Variants in EXOC4 observed in about 807,000 individuals in gnomAD.
EXOC4 encodes SEC8-like 1.
In EXOC4, 71 loss-of-function variants were observed where a neutral mutation model predicts 107.2. That is an observed-to-expected ratio of 0.66 (90% CI 0.55 to 0.81). The LOEUF (loss-of-function observed/expected upper bound fraction) is 0.81. Ranked by LOEUF, EXOC4 falls within the 30% of genes least tolerant of loss-of-function variation. The pLI, the probability that EXOC4 is intolerant of heterozygous loss-of-function variation, is 0.00. For synonymous variants in EXOC4, 456 were observed against 441.2 expected (o/e 1.03, Z -0.42); for missense variants, 1,108 against 1,189.6 (o/e 0.93, Z 1.01).
rs183210263 is a variant in EXOC4 at position 134,053,692 on chromosome 7, T to A, written c.2688-10599T>A. On this transcript the variant is annotated intron_variant, in intron 17 of 17. Transcript: ENST00000253861. ...CTTGATGAGGATGGAGCAAGTAACA[T>A]TTAAAATAAGGTGGTCAGGGAAAAC... is the stretch of plus-strand genomic sequence containing the variant. Among the ~76,000 whole-genome samples, 58 of 151,824 alleles carry A rather than the reference T, an allele frequency of 3.8e-4. No individual in the cohort carries two copies. The East Asian group carries it at 0.01, about 27-fold the overall frequency.
In EXOC4 at chr7:133,994,931, C is replaced by T. The variant is rs183202028; in HGVS notation, c.2207-2561C>T. On this transcript the variant is annotated intron_variant, in intron 14 of 17. Coordinates refer to ENST00000253861, the MANE Select transcript of EXOC4 (RefSeq NM_021807.4). ...TTGCCATGCTTAGTATTTCTTTGCT[C>T]AGTATATTCTTTCTTGTTAAGAAAA... Among the ~76,000 whole-genome samples the T allele has an allele frequency of 8.0e-4, 122 of 152,230 alleles. 1 individual carries two copies. Among genetic ancestry groups the T allele is most frequent in the South Asian group, 1.5e-3 (7 of 4,814 alleles).
At chr7:134,074,114 C>T in the EXOC4 span, among the ~76,000 whole-genome samples, 5 of 152,200 alleles carry the variant, frequency 3.3e-5, no homozygotes, top group African/African-American at 1.2e-4. Context: ...GTGCATGCTA[C>T]AGCCCTTGTC....
intron 17 of EXOC4, among the ~76,000 whole-genome samples, chr7:134,033,160 T>C (rs1344285818): frequency 6.6e-6 from 1 of 152,022 alleles, no homozygotes; most frequent in African/African-American, 2.4e-5. Flanking sequence ...TTGGAGAAGT[T>C]CCATGTTCAT....
At chr7:133,469,617 C>T (rs1182088371) in intron 7 of EXOC4, among the ~76,000 whole-genome samples, 1 of 152,034 alleles carries the variant, frequency 6.6e-6, no homozygotes, top group Non-Finnish European at 1.5e-5. Context: ...AGTGAAGGAA[C>T]AAATACTCAT....
intron 10 of EXOC4, among the ~76,000 whole-genome samples, chr7:133,743,812 C>T (rs567182281): frequency 2.0e-5 from 3 of 152,086 alleles, no homozygotes; most frequent in Admixed American, 6.6e-5. Flanking sequence ...TGGGTGTTTT[C>T]GTGCCCTGAT....
At chr7:133,380,691 A>G (rs2150700101) in intron 7 of EXOC4, among the ~76,000 whole-genome samples, 1 of 152,336 alleles carries the variant, frequency 6.6e-6, no homozygotes, top group South Asian at 2.1e-4. Flanking sequence ...ACACTAAAAG[A>G]GGTATCAATT....
chr7:133,272,949 A>G (rs1375030725), intron 1 of EXOC4, among the ~76,000 whole-genome samples: 1 of 152,178 alleles, frequency 6.6e-6, no homozygotes, highest in African/African-American at 2.4e-5. Context: ...ACAATGTGAA[A>G]TGTTTGGCAT....
At chr7:133,307,234 C>A (rs1794772378) in intron 4 of EXOC4, among the ~76,000 whole-genome samples, 1 of 152,178 alleles carries the variant, frequency 6.6e-6, no homozygotes, top group South Asian at 2.1e-4. Context: ...GTTTCTACCT[C>A]TTTTCAGCAG....
At chr7:133,626,496 C>T (rs78869665) in intron 9 of EXOC4, among the ~76,000 whole-genome samples, 9,023 of 152,148 alleles carry the variant, frequency 0.059, 418 homozygotes, top group Non-Finnish European at 0.084. Flanking sequence ...ATAGATGGCA[C>T]TTGGTAATGA....
chr7:133,375,897 A>G (rs1242220592), intron 7 of EXOC4, among the ~76,000 whole-genome samples: 7 of 152,244 alleles, frequency 4.6e-5, no homozygotes, highest in Non-Finnish European at 5.9e-5. Context: ...TGATTTAGCC[A>G]GATGGAAATT....
chr7:133,752,491 A>G (rs1412539688), intron 10 of EXOC4, among the ~76,000 whole-genome samples: 2 of 152,120 alleles, frequency 1.3e-5, no homozygotes, highest in East Asian at 1.9e-4. Context: ...TTGTTCTTTC[A>G]TTGATTCAGG....
chr7:133,501,982 A>G (rs1799584438), intron 9 of EXOC4, among the ~76,000 whole-genome samples: 1 of 152,148 alleles, frequency 6.6e-6, no homozygotes, highest in South Asian at 2.1e-4. Context: ...TTTATGACTG[A>G]GAATTAATTA....
chr7:133,264,240 T>C (rs1273984765), intron 1 of EXOC4, among the ~76,000 whole-genome samples: 1 of 152,196 alleles, frequency 6.6e-6, no homozygotes, highest in East Asian at 1.9e-4. Context: ...AAGTGTTCTA[T>C]AACTGAGTTA....
At chr7:133,864,026 C>A (rs1798587334) in intron 11 of EXOC4, among the ~76,000 whole-genome samples, 1 of 152,180 alleles carries the variant, frequency 6.6e-6, no homozygotes, top group South Asian at 2.1e-4. Context: ...TCATCATCAT[C>A]ATCAGTTCTT....
At chr7:133,659,803 C>T (rs1172460571) in intron 10 of EXOC4, among the ~76,000 whole-genome samples, 1 of 152,204 alleles carries the variant, frequency 6.6e-6, no homozygotes, top group South Asian at 2.1e-4. Context: ...CCTCTTCTTT[C>T]CATTACATAC....
At chr7:133,720,429 C>T (rs1158810223) in intron 10 of EXOC4, among the ~76,000 whole-genome samples, 1 of 152,094 alleles carries the variant, frequency 6.6e-6, no homozygotes, top group South Asian at 2.1e-4. Flanking sequence ...GGCATAACCA[C>T]CGGTAAGGAA....
At chr7:133,482,915 G>A (rs576805420) in intron 9 of EXOC4, among the ~76,000 whole-genome samples, 5 of 152,054 alleles carry the variant, frequency 3.3e-5, no homozygotes, top group African/African-American at 1.2e-4. Flanking sequence ...TTTAGGTATC[G>A]CTCATTTGGA....
At chr7:133,310,832 A>G (rs946174970) in intron 4 of EXOC4, among the ~76,000 whole-genome samples, 9 of 152,188 alleles carry the variant, frequency 5.9e-5, no homozygotes, top group Non-Finnish European at 1.3e-4. Context: ...GGACTCCTTC[A>G]GCTTCCATAG....
intron 10 of EXOC4, among the ~76,000 whole-genome samples, chr7:133,742,618 C>G (rs1795589311): frequency 6.6e-6 from 1 of 152,174 alleles, no homozygotes; most frequent in African/African-American, 2.4e-5. Context: ...ATAAATTTCT[C>G]TCTGACAAAG....
Sources: allele counts gnomAD v4.1 joint callset (sites outside exome capture counted in the v4.1 genomes callset), GRCh38; gene constraint gnomAD v4.1.1; transcripts MANE v1.5; gene names NCBI Gene and HGNC (gene_info 2026-07-23, HGNC 2026-07-21).